Variants in VGLL4 observed in about 807,000 individuals in gnomAD.
VGLL4 encodes the protein vestigial like family member 4, also known as transcription cofactor vestigial-like protein 4.
VGLL4 carries 7 observed loss-of-function variants against 21.0 expected under a neutral mutation model. The ratio of observed to expected loss-of-function variants is 0.33; its 90% CI spans 0.19 to 0.63. VGLL4 has a LOEUF of 0.63. Among genes scored for constraint, VGLL4 ranks in the 20% least tolerant of loss-of-function variants. VGLL4 has a pLI of 0.78. For synonymous variants in VGLL4, 222 were observed against 173.2 expected (o/e 1.28, Z -2.21); for missense variants, 394 against 425.7 (o/e 0.93, Z 0.66).
At chr3:11,675,647 G>A (rs1446450628) in intron 2 of VGLL4, among the ~76,000 whole-genome samples, 1 of 152,140 alleles carries the variant, frequency 6.6e-6, no homozygotes, top group African/African-American at 2.4e-5. Flanking sequence ...ACTTAGATAT[G>A]GAAAACTCAT....
At chr3:11,558,965 C>T (rs1211128175) in intron 4 of VGLL4, 138 bp from the exon 5 acceptor site, 36 of 1,050,370 alleles carry the variant, frequency 3.4e-5, no homozygotes, top group Non-Finnish European at 4.5e-5. Context: ...CAGAACCCAC[C>T]TCCCCCGGCT....
At chr3:11,707,137 G>A (rs552408327) in intron 1 of VGLL4, among the ~76,000 whole-genome samples, 237 of 149,496 alleles carry the variant, frequency 1.6e-3, no homozygotes, top group Non-Finnish European at 2.1e-3. Flanking sequence ...GCAACATAGT[G>A]AGACCCCATT....
At chr3:11,699,854 AT>A (rs2076654923) in intron 2 of VGLL4, among the ~76,000 whole-genome samples, 2 of 152,030 alleles carry the variant, frequency 1.3e-5, no homozygotes, top group Non-Finnish European at 2.9e-5. Context: ...TCTACAGTCT[AT>A]TTTCTGATTG....
At chr3:11,683,134 G>A (rs1016188792) in intron 2 of VGLL4, among the ~76,000 whole-genome samples, 1 of 152,074 alleles carries the variant, frequency 6.6e-6, no homozygotes, top group Non-Finnish European at 1.5e-5. Flanking sequence ...GGCTGAGGCA[G>A]GAGAATTGCT....
intron 2 of VGLL4, among the ~76,000 whole-genome samples, chr3:11,662,300 A>T (rs1439367812): frequency 6.6e-6 from 1 of 152,238 alleles, no homozygotes; most frequent in African/African-American, 2.4e-5. Context: ...CTTTTATTTT[A>T]AAAAATTCAT....
rs59999510 is a variant in VGLL4, at chr3:11,665,101, C to CTTTTTTTTTT, written c.64+37860_64+37869dup. Reference sequence around the variant, plus strand: ...AAATGAAAGCAATTTGAATATTTTTCTTTTTTTTTTTTTTTTTTTTTTTTT... The same window carrying CTTTTTTTTTT: ...AAATGAAAGCAATTTGAATATTTTTCTTTTTTTTTTTTTTTTTTTTTTTTTTTTTTTTTTT... On this transcript the variant is annotated intron_variant, in intron 2 of 5. Coordinates refer to the VGLL4 transcript ENST00000273038. 2.6e-4 allele frequency among the ~76,000 whole-genome samples: 25 copies of CTTTTTTTTTT among 96,976 alleles called. 2 individuals carry two copies. Among genetic ancestry groups the CTTTTTTTTTT allele is most frequent in the African/African-American group, 9.3e-4 (19 of 20,516 alleles). 63.6% of individuals were successfully genotyped at this position (96,976 alleles called of 152,430 possible).
intron 2 of VGLL4, among the ~76,000 whole-genome samples, chr3:11,658,802 T>A (rs1243898079): frequency 6.6e-6 from 1 of 152,070 alleles, no homozygotes; most frequent in Non-Finnish European, 1.5e-5. Context: ...ACTGAGTCAA[T>A]GAATGCAAAA....
At chr3:11,710,163 C>G (rs904328968) in intron 1 of VGLL4, among the ~76,000 whole-genome samples, 1 of 152,178 alleles carries the variant, frequency 6.6e-6, no homozygotes, top group African/African-American at 2.4e-5. Flanking sequence ...CATGAGGGAT[C>G]GCTCCCATGA....
intron 3 of VGLL4, among the ~76,000 whole-genome samples, chr3:11,563,158 G>T (rs1298642939): frequency 6.6e-6 from 1 of 150,382 alleles, no homozygotes; most frequent in African/African-American, 2.4e-5. Flanking sequence ...GGCAGAGATA[G>T]CTTGTAAGGC....
At chr3:11,715,035 T>A (rs2076900408) in intron 1 of VGLL4, among the ~76,000 whole-genome samples, 1 of 150,182 alleles carries the variant, frequency 6.7e-6, no homozygotes, top group Admixed American at 6.7e-5. Flanking sequence ...CTCGAGAGGC[T>A]GAGGCAGGAG....
chr3:11,640,289 C>G (rs1038869468), intron 1 of VGLL4, among the ~76,000 whole-genome samples: 1 of 152,008 alleles, frequency 6.6e-6, no homozygotes, highest in African/African-American at 2.4e-5. Flanking sequence ...TCTGCCTTCA[C>G]GAGGCTTTCG....
At chr3:11,677,213 G>T (rs1431898007) in intron 2 of VGLL4, among the ~76,000 whole-genome samples, 2 of 152,032 alleles carry the variant, frequency 1.3e-5, no homozygotes, top group Non-Finnish European at 2.9e-5. Context: ...TGTGCCAACT[G>T]GTACTCCCAT....
intron 2 of VGLL4, among the ~76,000 whole-genome samples, chr3:11,676,155 A>G (rs937658873): frequency 1.3e-5 from 2 of 152,282 alleles, no homozygotes; most frequent in African/African-American, 4.8e-5. Context: ...TGGGAGGCTG[A>G]GGCGTGTGGA....
chr3:11,633,672 A>C (rs570415230), intron 1 of VGLL4: 1 of 152,418 alleles, frequency 6.6e-6, no homozygotes, highest in Non-Finnish European at 1.5e-5. Context: ...CCGTCTCAAA[A>C]AAACAAAAAA....
rs762198989 is a variant in VGLL4, at chr3:11,643,427, G to A, written c.82+10C>T. 4 of 1,613,808 alleles carry A rather than the reference G, an allele frequency of 2.5e-6. No individual in the cohort carries two copies. The highest frequency in any genetic ancestry group is 1.7e-5 in the Admixed American group (1 of 59,990). Reference sequence around the variant, plus strand: ...AGCAACGGGCAGTAATTCTACAACGGGACATCTACCTTCGTAGCACAGAAT... The same window carrying A: ...AGCAACGGGCAGTAATTCTACAACGAGACATCTACCTTCGTAGCACAGAAT... On this transcript the variant is annotated intron_variant, in intron 1 of 4. Coordinates refer to ENST00000430365, the MANE Select transcript of VGLL4 (RefSeq NM_001128219.3).
At chr3:11,621,062 C>T (rs1424939350) in intron 1 of VGLL4, among the ~76,000 whole-genome samples, 2 of 152,176 alleles carry the variant, frequency 1.3e-5, no homozygotes, top group East Asian at 1.9e-4. Flanking sequence ...TAATACTTTG[C>T]ACAATATTTT....
At chr3:11,721,304 G>A (rs1447954397), upstream of VGLL4, 1 of 152,234 alleles carries the variant, frequency 6.6e-6, no homozygotes, top group Non-Finnish European at 1.5e-5. Flanking sequence ...AGCCCCTGTT[G>A]GATATGCAAA....
chr3:11,659,554 A>G (rs2076008295), intron 2 of VGLL4, among the ~76,000 whole-genome samples: 3 of 151,570 alleles, frequency 2.0e-5, no homozygotes, highest in Admixed American at 2.0e-4. Context: ...CTGGTTCTTG[A>G]ACTCCTGACC....
intron 2 of VGLL4, among the ~76,000 whole-genome samples, chr3:11,668,957 A>G (rs1341523798): frequency 1.3e-5 from 2 of 152,142 alleles, no homozygotes; most frequent in Non-Finnish European, 2.9e-5. Context: ...CTCAATACCA[A>G]CCAGGCTGAA....
Sources: allele counts gnomAD v4.1 joint callset (sites outside exome capture counted in the v4.1 genomes callset), GRCh38; gene constraint gnomAD v4.1.1; transcripts MANE v1.5; gene names NCBI Gene and HGNC (gene_info 2026-07-23, HGNC 2026-07-21).